MEIS1: variants seen among roughly 807,000 people sequenced by gnomAD.
MEIS1 encodes the protein Meis homeobox 1.
MEIS1 carries 5 observed loss-of-function variants against 50.8 expected under a neutral mutation model. That is an observed-to-expected ratio of 0.10 (90% CI 0.05 to 0.21). MEIS1 has a LOEUF of 0.21. MEIS1 is among the 10% of genes least tolerant of loss of function. The pLI is 1.00. For synonymous variants in MEIS1, 176 were observed against 179.3 expected, an observed-to-expected ratio of 0.98 and a Z score of 0.15; for missense variants, 318 against 517.3, an observed-to-expected ratio of 0.61 and a Z score of 3.74.
At chr2:66,484,534 T>TTTTCTTTC (rs536092350) in intron 7 of MEIS1, among the ~76,000 whole-genome samples, 1 of 152,004 alleles carries the variant, frequency 6.6e-6, no homozygotes, top group Non-Finnish European at 1.5e-5. Context: ...ACAAAAGGAA[T>TTTTCTTTC]TTTCTTTCTT....
At chr2:66,457,773 T>A (rs1289572385) in intron 6 of MEIS1, among the ~76,000 whole-genome samples, 3 of 152,206 alleles carry the variant, frequency 2.0e-5, no homozygotes, top group African/African-American at 7.2e-5. Context: ...CATGGGCACA[T>A]ACATACGGAC....
At chr2:66,440,898 G>A in intron 4 of MEIS1, 1 of 486,122 alleles carries the variant, frequency 2.1e-6, no homozygotes, top group Admixed American at 3.7e-5. Context: ...TTTATCTCCC[G>A]GCCTGTCAGC....
At chr2:66,566,558 A>C (rs1035769464) in intron 9 of MEIS1, among the ~76,000 whole-genome samples, 19 of 151,862 alleles carry the variant, frequency 1.3e-4, no homozygotes, top group Non-Finnish European at 2.5e-4. Context: ...GAACAAACGG[A>C]TCTTAAGAGA....
At chr2:66,550,399 A>G (rs893475634) in intron 9 of MEIS1, among the ~76,000 whole-genome samples, 1 of 152,262 alleles carries the variant, frequency 6.6e-6, no homozygotes, top group Non-Finnish European at 1.5e-5. Flanking sequence ...AGTTTGACAA[A>G]TAATGACAAT....
At chr2:66,454,631 C>A (rs988736422) in intron 6 of MEIS1, 3 of 151,912 alleles carry the variant, frequency 2.0e-5, no homozygotes, top group African/African-American at 7.3e-5. Context: ...TTGCTAGGAG[C>A]CTTGCCTAGA....
chr2:66,566,803 T>C (rs887123227), intron 9 of MEIS1, among the ~76,000 whole-genome samples: 1 of 57,272 alleles, frequency 1.7e-5, no homozygotes, highest in African/African-American at 4.7e-5. Flanking sequence ...AGACTTTACA[T>C]AAAGAGCAAA....
intron 8 of MEIS1, among the ~76,000 whole-genome samples, chr2:66,533,445 A>C (rs893189428): frequency 3.3e-5 from 5 of 152,160 alleles, no homozygotes; most frequent in African/African-American, 1.2e-4. Context: ...GGGTCATTGA[A>C]GTGTCCTTAC....
intron 6 of MEIS1, among the ~76,000 whole-genome samples, chr2:66,462,918 TG>T (rs1281527476): frequency 6.6e-6 from 1 of 152,164 alleles, no homozygotes; most frequent in Non-Finnish European, 1.5e-5. Context: ...GTGACAGTGA[TG>T]CATCTTGTTC....
intron 8 of MEIS1, among the ~76,000 whole-genome samples, chr2:66,516,344 C>A (rs1458180372): frequency 6.6e-6 from 1 of 152,082 alleles, no homozygotes; most frequent in African/African-American, 2.4e-5. Flanking sequence ...GGGTCAATAT[C>A]CAGCATTGAC....
At chr2:66,556,491 CTTTTTT>C (rs11369455) in intron 9 of MEIS1, among the ~76,000 whole-genome samples, 2 of 144,198 alleles carry the variant, frequency 1.4e-5, no homozygotes, top group East Asian at 4.0e-4. Flanking sequence ...GATAAAGTCA[CTTTTTT>C]TTTTTTTTCA....
intron 7 of MEIS1, among the ~76,000 whole-genome samples, chr2:66,503,880 G>A (rs1673623461): frequency 6.6e-6 from 1 of 151,464 alleles, no homozygotes; most frequent in South Asian, 2.1e-4. Context: ...AAGTAGCTGG[G>A]ACTACACTCA....
intron 6 of MEIS1, among the ~76,000 whole-genome samples, chr2:66,452,368 C>G (rs1054553474): frequency 6.6e-6 from 1 of 151,850 alleles, no homozygotes; most frequent in Non-Finnish European, 1.5e-5. Flanking sequence ...TATACTATAA[C>G]TCTACAGAGC....
intron 7 of MEIS1, among the ~76,000 whole-genome samples, chr2:66,501,475 G>A (rs1302352125): frequency 1.3e-5 from 2 of 151,494 alleles, no homozygotes; most frequent in African/African-American, 4.8e-5. Flanking sequence ...CTGAATAGAT[G>A]AAAAATGAGT....
chr2:66,440,087 A>ACACACACACACACACC, intron 3 of MEIS1, 103 bp downstream of exon 3: 6 of 1,068,104 alleles, frequency 5.6e-6, no homozygotes, highest in South Asian at 1.6e-5. Flanking sequence ...ACACACACAC[A>ACACACACACACACACC]CACACGGCAC....
chr2:66,563,223 G>T (rs1031031838), intron 9 of MEIS1, among the ~76,000 whole-genome samples: 4 of 152,116 alleles, frequency 2.6e-5, no homozygotes, highest in Non-Finnish European at 5.9e-5. Flanking sequence ...AAAATTCTAA[G>T]ATTGTGTGTA....
At chr2:66,539,785 A>G (rs1457029782) in intron 8 of MEIS1, among the ~76,000 whole-genome samples, 2 of 152,150 alleles carry the variant, frequency 1.3e-5, no homozygotes. Flanking sequence ...GAAGGAGAAC[A>G]TGGGTCAAGG....
chr2:66,456,656 C>G (rs1261805014), intron 6 of MEIS1, among the ~76,000 whole-genome samples: 1 of 152,184 alleles, frequency 6.6e-6, no homozygotes, highest in Non-Finnish European at 1.5e-5. Flanking sequence ...AACAAGAACC[C>G]TGGCAGGGCT....
At chr2:66,453,376 G>A (rs900421533) in intron 6 of MEIS1, among the ~76,000 whole-genome samples, 9 of 151,970 alleles carry the variant, frequency 5.9e-5, no homozygotes, top group African/African-American at 2.2e-4. Context: ...CTTAAAAAGT[G>A]CACAGTGCAA....
intron 6 of MEIS1, chr2:66,443,341 G>A (rs1294293009): frequency 9.3e-6 from 3 of 321,880 alleles, no homozygotes. Flanking sequence ...AATAATGGGA[G>A]TGTTAACTGC....
Sources: allele counts gnomAD v4.1 joint callset (sites outside exome capture counted in the v4.1 genomes callset), GRCh38; gene constraint gnomAD v4.1.1; transcripts MANE v1.5; gene names NCBI Gene and HGNC (gene_info 2026-07-23, HGNC 2026-07-21).